The following MARCHF1 variants were observed in gnomAD, a reference collection of about 807,000 sequenced individuals.
MARCHF1 encodes the protein E3 ubiquitin-protein ligase MARCHF1.
In MARCHF1, 40 loss-of-function variants were observed where a neutral mutation model predicts 54.2. The observed-to-expected ratio is 0.74, with a 90% CI of 0.57 to 0.96. The LOEUF is 0.96. Among genes scored for constraint, MARCHF1 ranks in the 40% least tolerant of loss-of-function variants. MARCHF1 has a pLI of 0.00. For synonymous variants in MARCHF1, 236 were observed against 236.3 expected, an observed-to-expected ratio of 1.00 and a Z score of 0.01; for missense variants, 586 against 656.5, an observed-to-expected ratio of 0.89 and a Z score of 1.17.
At chr4:163,833,842 T>C (rs1019457176) in intron 4 of MARCHF1, among the ~76,000 whole-genome samples, 4 of 152,166 alleles carry the variant, frequency 2.6e-5, no homozygotes, top group Non-Finnish European at 5.9e-5. Context: ...TTTCAGTTTA[T>C]TGTGCACACC....
intron 4 of MARCHF1, among the ~76,000 whole-genome samples, chr4:163,794,678 T>C: frequency 6.6e-6 from 1 of 152,190 alleles, no homozygotes. Context: ...TATGTTAAAA[T>C]GTATTTTATT....
intron 1 of MARCHF1, among the ~76,000 whole-genome samples, chr4:164,124,305 G>A (rs555720241): frequency 7.9e-5 from 12 of 152,158 alleles, no homozygotes; most frequent in Non-Finnish European, 1.3e-4. Context: ...GTGGAGAAAA[G>A]GGAACCTTGG....
chr4:163,866,904 T>A (rs1374911589), intron 3 of MARCHF1, among the ~76,000 whole-genome samples: 1 of 151,920 alleles, frequency 6.6e-6, no homozygotes, highest in East Asian at 1.9e-4. Context: ...GAGGACATGT[T>A]ACTCTCCCAA....
chr4:163,900,339 C>CTT (rs778800738), intron 3 of MARCHF1, among the ~76,000 whole-genome samples: 1 of 145,662 alleles, frequency 6.9e-6, no homozygotes, highest in African/African-American at 2.5e-5. Context: ...AGTATAGGTC[C>CTT]TTTTTTTTTT....
intron 1 of MARCHF1, among the ~76,000 whole-genome samples, chr4:164,158,070 A>G (rs1427329657): frequency 6.6e-6 from 1 of 152,212 alleles, no homozygotes; most frequent in Non-Finnish European, 1.5e-5. Context: ...CAGGGCAAGT[A>G]TTTGCATGCA....
At chr4:163,801,223 C>T (rs558481313) in intron 4 of MARCHF1, among the ~76,000 whole-genome samples, 33 of 152,096 alleles carry the variant, frequency 2.2e-4, no homozygotes, top group African/African-American at 7.2e-4. Context: ...AACTTTGTAT[C>T]TTAGCTATTC....
At chr4:164,247,493 A>T (rs1289307321) in intron 1 of MARCHF1, among the ~76,000 whole-genome samples, 1 of 151,652 alleles carries the variant, frequency 6.6e-6, no homozygotes, top group South Asian at 2.1e-4. Context: ...GCATTGGGAG[A>T]TATACCTAAT....
chr4:163,626,888 C>T (rs1405837001), intron 5 of MARCHF1, among the ~76,000 whole-genome samples: 3 of 152,066 alleles, frequency 2.0e-5, no homozygotes, highest in Non-Finnish European at 4.4e-5. Context: ...ATCATGCCAC[C>T]GCACTTCATC....
chr4:164,106,197 A>T lies in MARCHF1; in HGVS notation c.-248+5391T>A, dbSNP rs201628889. Among the ~76,000 whole-genome samples, 890 of 141,462 alleles carry T rather than the reference A, an allele frequency of 6.3e-3. 22 individuals carry two copies. In the East Asian group the frequency reaches 0.074, roughly 12 times the overall value. 92.8% of individuals were successfully genotyped at this position (141,462 alleles called of 152,430 possible). A position where few individuals can be genotyped will look rare whatever the true frequency, so the allele number is the denominator to read the frequency against. ...TGTAAACTAGTTCAACCATTGTGGA[A>T]GTCAGTGTGGCGATTCCTCAGGGAT... is the stretch of plus-strand genomic sequence containing the variant. On this transcript the variant is annotated intron_variant, in intron 2 of 9. Transcript: ENST00000514618.
At chr4:164,260,061 T>C (rs932178877) in intron 1 of MARCHF1, among the ~76,000 whole-genome samples, 14 of 152,210 alleles carry the variant, frequency 9.2e-5, no homozygotes, top group African/African-American at 2.9e-4. Flanking sequence ...ACTGACCTAG[T>C]TGTAAGAAGA....
chr4:163,680,793 T>G (rs1330959036), intron 5 of MARCHF1, among the ~76,000 whole-genome samples: 3 of 152,178 alleles, frequency 2.0e-5, no homozygotes, highest in Non-Finnish European at 4.4e-5. Context: ...ACATGATGCT[T>G]CACTATGACT....
At chr4:163,826,692 T>A (rs2111077108) in intron 4 of MARCHF1, among the ~76,000 whole-genome samples, 1 of 152,148 alleles carries the variant, frequency 6.6e-6, no homozygotes, top group African/African-American at 2.4e-5. Flanking sequence ...TAAAATATGA[T>A]GAATGCTGTA....
chr4:164,163,205 T>A (rs999346844), intron 1 of MARCHF1, among the ~76,000 whole-genome samples: 1 of 151,960 alleles, frequency 6.6e-6, no homozygotes, highest in African/African-American at 2.4e-5. Context: ...CAAAATGTTA[T>A]ATATTTGGTG....
intron 1 of MARCHF1, among the ~76,000 whole-genome samples, chr4:164,321,624 G>A (rs1284342182): frequency 6.6e-6 from 1 of 152,076 alleles, no homozygotes; most frequent in African/African-American, 2.4e-5. Context: ...TTCAAGGACT[G>A]CAACCCAAGA....
rs571390424 is a variant in MARCHF1, at chr4:163,635,720, G to A, written c.163-22327C>T. 8.2e-4 allele frequency among the ~76,000 whole-genome samples: 124 copies of A among 152,036 alleles called. 4 individuals are homozygous for A. In the South Asian group the frequency reaches 0.025, roughly 31 times the overall value. On this transcript the variant is annotated intron_variant, in intron 5 of 9. Coordinates refer to ENST00000514618, the MANE Select transcript of MARCHF1 (RefSeq NM_001394959.1). ...AACTATTCCAATCAATAGAAAAAGA[G>A]GGAATCCTCCCTAACTCATTTCATG...
chr4:164,199,681 C>CACACACACAGAG (rs1462208986), intron 1 of MARCHF1, among the ~76,000 whole-genome samples: 5 of 47,656 alleles, frequency 1.0e-4, no homozygotes, highest in East Asian at 1.1e-3. Flanking sequence ...CACACACACA[C>CACACACACAGAG]AGAGAGAGAG....
chr4:163,534,996 C>T (rs1738480307), intron 9 of MARCHF1, among the ~76,000 whole-genome samples: 1 of 151,872 alleles, frequency 6.6e-6, no homozygotes, highest in Admixed American at 6.6e-5. Flanking sequence ...ATAAATTTCC[C>T]AAGTAACTTA....
At chr4:164,019,648 G>A (rs1753620064) in intron 2 of MARCHF1, among the ~76,000 whole-genome samples, 1 of 152,292 alleles carries the variant, frequency 6.6e-6, no homozygotes, top group South Asian at 2.1e-4. Flanking sequence ...CAAAAATGGT[G>A]ATTGCAAAGG....
intron 4 of MARCHF1, among the ~76,000 whole-genome samples, chr4:163,705,456 G>A (rs78360820): frequency 0.012 from 1,788 of 151,970 alleles, 17 homozygotes; most frequent in Middle Eastern, 0.027. Flanking sequence ...TTTGATACAT[G>A]AGCAGTGTAT....
Sources: allele counts gnomAD v4.1 joint callset (sites outside exome capture counted in the v4.1 genomes callset), GRCh38; gene constraint gnomAD v4.1.1; transcripts MANE v1.5; gene names NCBI Gene and HGNC (gene_info 2026-07-23, HGNC 2026-07-21).